Variants in LYST observed in about 807,000 individuals in gnomAD.
LYST encodes lysosomal-trafficking regulator.
Under a neutral mutation model 413.6 loss-of-function variants are expected in LYST, and 192 were observed. That is an observed-to-expected ratio of 0.46 (90% CI 0.41 to 0.52). The LOEUF (loss-of-function observed/expected upper bound fraction) is 0.52. LYST is among the 20% of genes least tolerant of loss of function. LYST has a pLI of 0.00. For missense variants in LYST, 3,815 were observed against 4,499.9 expected, an observed-to-expected ratio of 0.85 and a Z score of 4.35; for synonymous variants, 1,525 against 1,567.3, an observed-to-expected ratio of 0.97 and a Z score of 0.64.
At chr1:235,665,260 T>G (rs533311249) in intron 50 of LYST, among the ~76,000 whole-genome samples, 1 of 152,300 alleles carries the variant, frequency 6.6e-6, no homozygotes, top group Admixed American at 6.5e-5. Flanking sequence ...TTGAAAATAC[T>G]TGGAAAGCTA....
intron 48 of LYST, among the ~76,000 whole-genome samples, chr1:235,678,101 G>T (rs541982634): frequency 2.4e-4 from 37 of 151,890 alleles, no homozygotes; most frequent in Non-Finnish European, 4.9e-4. Flanking sequence ...GTTTTTAGTA[G>T]ATTAGAGGGC....
At chr1:235,778,928 G>A (rs998859925) in intron 16 of LYST, among the ~76,000 whole-genome samples, 9 of 151,624 alleles carry the variant, frequency 5.9e-5, no homozygotes, top group East Asian at 1.9e-4. Flanking sequence ...GTGCAATGGC[G>A]CATTCTCGGC....
At position 235,749,434 on chromosome 1, in the gene LYST, C is replaced by CAG. The variant is rs1004471429; in HGVS notation, c.7780+1774_7780+1775dup. ...CAGGAAGGATTCTTGAGAGAGACTT[C>CAG]AGAGAGAGAGAGAGATGGGTCCTAA... is the stretch of plus-strand genomic sequence containing the variant. On this transcript the variant is annotated intron_variant, in intron 28 of 52. Coordinates refer to ENST00000389793, the MANE Select transcript of LYST (RefSeq NM_000081.4). Among the ~76,000 whole-genome samples, 8 of 151,010 alleles carry CAG rather than the reference C, an allele frequency of 5.3e-5. No individual in the cohort carries two copies. The East Asian group carries it at 5.8e-4, about 11-fold the overall frequency.
chr1:235,744,103 C>A lies in LYST; in HGVS notation c.8027G>T (p.Ser2676Ile), dbSNP rs113209379. The A allele has an allele frequency of 1.7e-4, 267 of 1,600,428 alleles. 1 individual carries two copies. The African/African-American group carries it at 2.9e-3, about 18-fold the overall frequency. The change falls in exon 30 of 53, where the codon AGC becomes ATC. Residue 2676 changes from serine to isoleucine, a missense_variant. Around this residue, in one of 4 missense-constraint regions of LYST, gnomAD observed 771 missense variants for 837.1 expected, o/e 0.92. Transcript: ENST00000389793. Reference protein sequence around the residue: ...ILRTPENVTQSKTSVFQTEIS... With the variant: ...ILRTPENVTQIKTSVFQTEIS... The stretch of plus-strand genomic sequence containing the variant: ...TTCGGTCTGGAAAACTGAGGTCTTG[C>A]TTTGAGTTACATTTTCTGGAGTTCT...
intron 28 of LYST, among the ~76,000 whole-genome samples, chr1:235,750,060 C>A (rs1666331736): frequency 6.6e-6 from 1 of 152,072 alleles, no homozygotes; most frequent in South Asian, 2.1e-4. Flanking sequence ...CAAGAGAGGG[C>A]AAATTCCATC....
At chr1:235,756,530 T>C (rs970789379) in intron 24 of LYST, among the ~76,000 whole-genome samples, 7 of 152,122 alleles carry the variant, frequency 4.6e-5, no homozygotes, top group African/African-American at 1.7e-4. Context: ...AGCTCAATAC[T>C]AGGTTGTATT....
intron 39 of LYST, among the ~76,000 whole-genome samples, chr1:235,722,619 G>A (rs963332616): frequency 1.2e-4 from 19 of 152,144 alleles, no homozygotes; most frequent in Non-Finnish European, 2.9e-5. Context: ...CCAAGTAGCT[G>A]GGACTACAGG....
intron 10 of LYST, among the ~76,000 whole-genome samples, chr1:235,799,350 C>T (rs1273541988): frequency 6.6e-6 from 1 of 152,082 alleles, no homozygotes; most frequent in Non-Finnish European, 1.5e-5. Flanking sequence ...TATCTCCCCA[C>T]AAGATACTTA....
At position 235,806,412 on chromosome 1, in the gene LYST, G is replaced by T. The variant is rs201440611; in HGVS notation, c.2724C>A (p.Cys908Ter). The T allele has an allele frequency of 6.2e-7, 1 of 1,613,752 alleles. No homozygotes were observed. Among genetic ancestry groups the T allele is most frequent in the South Asian group, 1.1e-5 (1 of 91,080 alleles). ...INLFLCVAFL[C>*]VSKEAESDRE... ...TGTCAGACTCTGCTTCTTTACTTAC[G>T]CATAAAAAAGCCACACAGAGGAATA... Residue 908 changes from cysteine (C) to a stop codon, truncating the protein, a stop_gained, in exon 6 of 53, where the codon TGC (cysteine) becomes TGA (stop). Coordinates refer to ENST00000389793, the MANE Select transcript of LYST (RefSeq NM_000081.4). LOFTEE classifies it high-confidence loss of function.
chr1:235,819,933 A>T (rs1276461298), intron 3 of LYST, among the ~76,000 whole-genome samples: 1 of 152,238 alleles, frequency 6.6e-6, no homozygotes, highest in Non-Finnish European at 1.5e-5. Context: ...GGCGTGAGCC[A>T]CCGCGCCCAG....
intron 40 of LYST, among the ~76,000 whole-genome samples, chr1:235,718,610 C>G (rs1663060269): frequency 6.6e-6 from 1 of 152,170 alleles, no homozygotes; most frequent in African/African-American, 2.4e-5. Context: ...CTCTTTGGCA[C>G]TTACAGCTGA....
chr1:235,738,910 C>T, intron 31 of LYST: 2 of 733,238 alleles, frequency 2.7e-6, no homozygotes, highest in Non-Finnish European at 5.1e-6. Context: ...GTGAAGGTGA[C>T]TCTGACTCCT....
intron 3 of LYST, among the ~76,000 whole-genome samples, chr1:235,822,556 T>C (rs1674867653): frequency 6.6e-6 from 1 of 152,138 alleles, no homozygotes; most frequent in Non-Finnish European, 1.5e-5. Flanking sequence ...ATGCATACCA[T>C]GAGATCATCA....
At chr1:235,694,074 A>G (rs1287904597) in intron 46 of LYST, among the ~76,000 whole-genome samples, 1 of 151,092 alleles carries the variant, frequency 6.6e-6, no homozygotes, top group Non-Finnish European at 1.5e-5. Flanking sequence ...CCGTGGCGCA[A>G]TCTCGGCTCA....
chr1:235,868,925 C>T (rs957679595), upstream of LYST, among the ~76,000 whole-genome samples: 17 of 152,064 alleles, frequency 1.1e-4, no homozygotes, highest in Admixed American at 7.2e-4. Context: ...GAACTCCTGA[C>T]CTCAGGTGAT....
intron 26 of LYST, 147 bp from the exon 27 acceptor site, chr1:235,752,318 T>C: frequency 3.2e-6 from 2 of 624,558 alleles, no homozygotes; most frequent in South Asian, 3.8e-5. Flanking sequence ...TTATTCATGC[T>C]TATTCTATGG....
At chr1:235,792,171 A>G (rs1410830112) in intron 11 of LYST, 46 bp from the exon 12 acceptor site, 2 of 1,223,822 alleles carry the variant, frequency 1.6e-6, no homozygotes, top group African/African-American at 3.0e-5. Context: ...CACGTAATAA[A>G]GTACATAATA....
At chr1:235,734,720 T>TAC in intron 31 of LYST, 61 bp from the exon 32 acceptor site, 2 of 1,083,084 alleles carry the variant, frequency 1.8e-6, no homozygotes, top group African/African-American at 1.6e-5. Flanking sequence ...TTTAAATTAC[T>TAC]TAGTAGTAAT....
intron 42 of LYST, chr1:235,713,006 T>G: frequency 1.0e-6 from 1 of 985,398 alleles, no homozygotes; most frequent in Non-Finnish European, 1.2e-6. Flanking sequence ...CCTCTGAACT[T>G]GTTGAAATTT....
Sources: allele counts gnomAD v4.1 joint callset (sites outside exome capture counted in the v4.1 genomes callset), GRCh38; gene constraint gnomAD v4.1.1; regional missense constraint gnomAD v4.1.1; transcripts MANE v1.5; gene names NCBI Gene and HGNC (gene_info 2026-07-23, HGNC 2026-07-21).